HESX1: variants seen among roughly 807,000 people sequenced by gnomAD.
HESX1 encodes the protein HESX homeobox 1, also known as homeobox expressed in ES cells 1.
In HESX1, 11 loss-of-function variants were observed where a neutral mutation model predicts 22.5. The ratio of observed to expected loss-of-function variants is 0.49; its 90% confidence interval spans 0.31 to 0.81. HESX1 has a LOEUF of 0.81. Ranked by LOEUF, HESX1 falls within the 30% of genes least tolerant of loss-of-function variation. The probability of loss-of-function intolerance (pLI) is 0.05; values close to 1 mark genes in which losing one functional copy is unlikely to be tolerated. For synonymous variants in HESX1, 74 were observed against 76.5 expected (o/e 0.97, Z 0.17); for missense variants, 201 against 212.6 (o/e 0.95, Z 0.34).
chr3:57,222,372 C>T (rs1161661372), intron 1 of HESX1, among the ~76,000 whole-genome samples: 2 of 152,160 alleles, frequency 1.3e-5, no homozygotes, highest in Non-Finnish European at 2.9e-5. Flanking sequence ...AATCCTCCCA[C>T]CTCAGCCTCC....
At chr3:57,208,456 C>T (rs775038783) in intron 1 of HESX1, among the ~76,000 whole-genome samples, 1 of 151,952 alleles carries the variant, frequency 6.6e-6, no homozygotes, top group Non-Finnish European at 1.5e-5. Flanking sequence ...AAGCGATTCT[C>T]CTGCCTCAGC....
chr3:57,210,989 C>T (rs1559500380), intron 1 of HESX1, among the ~76,000 whole-genome samples: 1 of 151,872 alleles, frequency 6.6e-6, no homozygotes, highest in Non-Finnish European at 1.5e-5. Flanking sequence ...GAGGCCGAGG[C>T]GGGCGGATTG....
chr3:57,220,513 T>C (rs2060609985), intron 1 of HESX1, among the ~76,000 whole-genome samples: 1 of 152,156 alleles, frequency 6.6e-6, no homozygotes, highest in African/African-American at 2.4e-5. Flanking sequence ...CACCGCAACC[T>C]CTGCCCCCCA....
chr3:57,221,679 T>G (rs1386838578), intron 1 of HESX1, among the ~76,000 whole-genome samples: 1 of 152,158 alleles, frequency 6.6e-6, no homozygotes, highest in African/African-American at 2.4e-5. Context: ...CAATCTCGGC[T>G]CACTGCAAAC....
intron 1 of HESX1, among the ~76,000 whole-genome samples, chr3:57,220,487 C>T (rs551735556): frequency 3.2e-4 from 48 of 152,132 alleles, no homozygotes; most frequent in African/African-American, 1.0e-3. Flanking sequence ...TGGAGTGCAG[C>T]GGTGCGATCT....
chr3:57,220,462 C>T (rs1458912432), intron 1 of HESX1, among the ~76,000 whole-genome samples: 1 of 152,174 alleles, frequency 6.6e-6, no homozygotes, highest in Non-Finnish European at 1.5e-5. Flanking sequence ...CAGATTCTCA[C>T]TCTGTCGCCC....
At chr3:57,214,610 G>T (rs2060573632) in intron 1 of HESX1, among the ~76,000 whole-genome samples, 1 of 152,142 alleles carries the variant, frequency 6.6e-6, no homozygotes, top group Admixed American at 6.6e-5. Context: ...ATTAATATCT[G>T]CAAAGCTCTT....
At chr3:57,221,498 T>C (rs1340235577) in intron 1 of HESX1, among the ~76,000 whole-genome samples, 1 of 152,108 alleles carries the variant, frequency 6.6e-6, no homozygotes, top group South Asian at 2.1e-4. Context: ...CATTCTAACA[T>C]ACTATTCTTT....
upstream of HESX1, among the ~76,000 whole-genome samples, chr3:57,201,163 C>T (rs1017460942): frequency 1.3e-5 from 2 of 152,212 alleles, no homozygotes; most frequent in African/African-American, 4.8e-5. Context: ...AGCTCATCTT[C>T]ATCAGCTTTT....
Position 57,198,029 on chromosome 3 carries a change from G to T in HESX1, c.*168C>A. On this transcript the variant is annotated 3_prime_UTR_variant, in exon 4 of 4. Transcript: ENST00000295934. ...AAAGGTCTTTACTATAACTAAAAGT[G>T]CCCAAATATGTACCATGCTATAATA... is the stretch of plus-strand genomic sequence containing the variant. 5.5e-6 allele frequency: 3 copies of T among 545,600 alleles called. No individual in the cohort carries two copies. The highest frequency in any genetic ancestry group is 6.5e-6 in the Non-Finnish European group (2 of 305,992). 33.8% of individuals were successfully genotyped at this position (545,600 alleles called of 1,614,324 possible).
chr3:57,215,340 G>A (rs2060577043), intron 1 of HESX1, among the ~76,000 whole-genome samples: 3 of 152,204 alleles, frequency 2.0e-5, no homozygotes, highest in African/African-American at 7.2e-5. Flanking sequence ...TCTCATAAAA[G>A]TAGGGATAGA....
intron 1 of HESX1, among the ~76,000 whole-genome samples, chr3:57,226,001 G>T (rs1000552180): frequency 6.7e-6 from 1 of 149,762 alleles, no homozygotes; most frequent in African/African-American, 2.5e-5. Context: ...TGCCTCAGCC[G>T]CCTGAGTAGC....
intron 1 of HESX1, among the ~76,000 whole-genome samples, chr3:57,212,776 G>A (rs1338373962): frequency 6.6e-6 from 1 of 152,026 alleles, no homozygotes; most frequent in Non-Finnish European, 1.5e-5. Flanking sequence ...ACTTAAATAG[G>A]AGGATGCACA....
chr3:57,211,075 G>A (rs1332936368), intron 1 of HESX1, among the ~76,000 whole-genome samples: 1 of 151,894 alleles, frequency 6.6e-6, no homozygotes, highest in African/African-American at 2.4e-5. Flanking sequence ...AAAATTAGCC[G>A]GGCATGGTGG....
upstream of HESX1, among the ~76,000 whole-genome samples, chr3:57,227,278 C>A (rs573551949): frequency 2.0e-5 from 3 of 152,196 alleles, no homozygotes; most frequent in Non-Finnish European, 2.9e-5. Context: ...GACACAGCTG[C>A]GGATCTCAGA....
chr3:57,210,689 G>A (rs1459984066), intron 1 of HESX1, among the ~76,000 whole-genome samples: 1 of 152,192 alleles, frequency 6.6e-6, no homozygotes, highest in African/African-American at 2.4e-5. Flanking sequence ...ATGGACAGAT[G>A]GGACTAGCAA....
intron 1 of HESX1, among the ~76,000 whole-genome samples, chr3:57,222,530 A>T (rs1263727912): frequency 6.6e-6 from 1 of 152,156 alleles, no homozygotes; most frequent in Non-Finnish European, 1.5e-5. Context: ...AAATTTTGGG[A>T]TTACAGCTGT....
At chr3:57,223,162 C>A (rs2107586913) in intron 1 of HESX1, among the ~76,000 whole-genome samples, 1 of 152,236 alleles carries the variant, frequency 6.6e-6, no homozygotes, top group African/African-American at 2.4e-5. Flanking sequence ...AGTTAAATAA[C>A]CTTACTTAAG....
chr3:57,206,709 GC>G (rs1274770025), intron 1 of HESX1, among the ~76,000 whole-genome samples: 1 of 152,200 alleles, frequency 6.6e-6, no homozygotes, highest in East Asian at 1.9e-4. Context: ...AGTAGGTGGG[GC>G]TGAAGACTCC....
Sources: allele counts gnomAD v4.1 joint callset (sites outside exome capture counted in the v4.1 genomes callset), GRCh38; gene constraint gnomAD v4.1.1; transcripts MANE v1.5; gene names NCBI Gene and HGNC (gene_info 2026-07-23, HGNC 2026-07-21).